Variants in KMT2C observed in about 807,000 individuals in gnomAD.
The protein encoded by KMT2C is lysine methyltransferase 2C.
KMT2C carries 88 observed loss-of-function variants against 507.9 expected under a neutral mutation model. The observed-to-expected ratio is 0.17, with a 90% CI of 0.15 to 0.21. The LOEUF is 0.21. KMT2C is among the 10% of genes least tolerant of loss of function. The pLI is 1.00. For missense variants in KMT2C, 4,954 were observed against 5,957.8 expected (o/e 0.83, Z 5.55); for synonymous variants, 2,049 against 2,080.8 (o/e 0.98, Z 0.42).
Position 152,181,191 on chromosome 7 carries a change from T to C in KMT2C, c.6669A>G (p.Ala2223=). ...CCTCTGAAATCCTTGGCCTTGGTGT[T>C]GCTGGTGGCTGAGAGTAAGGGACAG... ...GISVPYSQPP[A]TPRPRISEGF... The change falls in exon 36 of 59, where the codon GCA becomes GCG. Residue 2223 remains alanine, a synonymous_variant. Coordinates refer to ENST00000262189, the MANE Select transcript of KMT2C (RefSeq NM_170606.3). 1 of 1,614,166 alleles carries C rather than the reference T, an allele frequency of 6.2e-7. No individual in the cohort carries two copies. Among genetic ancestry groups the C allele is most frequent in the Non-Finnish European group, 8.5e-7 (1 of 1,180,044 alleles).
In KMT2C at chr7:152,177,780, T is replaced by A. The variant is rs1356688610; in HGVS notation, c.7673A>T (p.Tyr2558Phe). Residue 2558 changes from tyrosine to phenylalanine, a missense_variant, in exon 38 of 59, where the codon TAT (tyrosine) becomes TTT (phenylalanine). This residue lies in a region of KMT2C where 1,689 missense variants were observed against 1,654.3 expected (regional missense o/e 1.02). Transcript: ENST00000262189. Reference sequence around the variant, plus strand: ...AGGAGCCCTATGTCTCAGTTCAATATATGCTTGGCCCAGTATGTTGTGCTG... The same window carrying A: ...AGGAGCCCTATGTCTCAGTTCAATAAATGCTTGGCCCAGTATGTTGTGCTG... ...VQQHNILGQAYIELRHRAPDG... is the reference protein window; with the variant it reads ...VQQHNILGQAFIELRHRAPDG... 2 of 1,614,034 alleles carry A rather than the reference T, an allele frequency of 1.2e-6. No individual in the cohort carries two copies. The highest frequency in any genetic ancestry group is 1.7e-6 in the Non-Finnish European group (2 of 1,179,990).
intron 9 of KMT2C, among the ~76,000 whole-genome samples, chr7:152,255,128 T>TATATATATATATATATATATATAC (rs2095632887): frequency 7.9e-6 from 1 of 127,374 alleles, no homozygotes; most frequent in African/African-American, 3.0e-5. Context: ...TATATATATA[T>TATATATATATATATATATATATAC]ATATATATAT....
intron 55 of KMT2C, among the ~76,000 whole-genome samples, chr7:152,143,957 G>A (rs968195084): frequency 6.6e-6 from 1 of 152,208 alleles, no homozygotes; most frequent in Non-Finnish European, 1.5e-5. Flanking sequence ...GCTCAAGATA[G>A]GGCTGGTAAA....
intron 7 of KMT2C, among the ~76,000 whole-genome samples, chr7:152,267,270 C>T (rs1213228627): frequency 6.6e-6 from 1 of 152,204 alleles, no homozygotes; most frequent in Non-Finnish European, 1.5e-5. Context: ...AACCCCAAAC[C>T]TTTATTCTTC....
At chr7:152,398,412 T>A (rs1330196953) in intron 1 of KMT2C, among the ~76,000 whole-genome samples, 2 of 152,128 alleles carry the variant, frequency 1.3e-5, no homozygotes, top group Non-Finnish European at 2.9e-5. Flanking sequence ...AATTAAATGA[T>A]CCCATTATCA....
intron 15 of KMT2C, among the ~76,000 whole-genome samples, chr7:152,237,329 G>C (rs2095295818): frequency 6.6e-6 from 1 of 151,724 alleles, no homozygotes; most frequent in Admixed American, 6.5e-5. Flanking sequence ...AAAAGGAACG[G>C]GAGGAATGGC....
At chr7:152,243,198 C>A (rs2095415606) in intron 14 of KMT2C, among the ~76,000 whole-genome samples, 1 of 152,110 alleles carries the variant, frequency 6.6e-6, no homozygotes, top group African/African-American at 2.4e-5. Flanking sequence ...TCAGCTTTAG[C>A]CTTCAATAAT....
At position 152,144,181 on chromosome 7, in the gene KMT2C, G is replaced by C. The variant is rs546634340; in HGVS notation, c.14343+532C>G. Among the ~76,000 whole-genome samples, 1 of 152,228 alleles carries C rather than the reference G, an allele frequency of 6.6e-6. No individual in the cohort carries two copies. The highest frequency in any genetic ancestry group is 2.1e-4 in the South Asian group (1 of 4,828). On this transcript the variant is annotated intron_variant, in intron 55 of 58. Transcript: ENST00000262189. The surrounding 1 kb of genome is among the most constrained non-coding windows in gnomAD (Gnocchi z 4.4). ...ATCCAAGGAGAAAAATGCTGAACAGGCATTTGGATATTTGGGTCTGCAGCT... is the reference window on the plus strand; with the variant it reads ...ATCCAAGGAGAAAAATGCTGAACAGCCATTTGGATATTTGGGTCTGCAGCT...
At chr7:152,424,089 A>C (rs1039105361) in intron 1 of KMT2C, among the ~76,000 whole-genome samples, 2 of 152,116 alleles carry the variant, frequency 1.3e-5, no homozygotes, top group African/African-American at 2.4e-5. Context: ...GAAAATAATG[A>C]TTTTTATCAC....
chr7:152,204,198 T>G (rs565186065), intron 25 of KMT2C, among the ~76,000 whole-genome samples: 1 of 151,970 alleles, frequency 6.6e-6, no homozygotes, highest in African/African-American at 2.4e-5. Flanking sequence ...CTTGGGACGC[T>G]GACGCACGAG....
chr7:152,209,249 G>A (rs535833033), intron 23 of KMT2C, among the ~76,000 whole-genome samples: 1 of 151,818 alleles, frequency 6.6e-6, no homozygotes, highest in Admixed American at 6.5e-5. Flanking sequence ...GAGGTCAGGA[G>A]ATCGAGACCA....
Position 152,194,081 on chromosome 7 carries a change from G to T in KMT2C, c.4588C>A (p.Pro1530Thr). 6.3e-7 allele frequency: 1 copy of T among 1,594,154 alleles called. No individual in the cohort carries two copies. Among genetic ancestry groups the T allele is most frequent in the South Asian group, 1.1e-5 (1 of 87,284 alleles). Residue 1530 changes from proline (P) to threonine (T), a missense_variant, in exon 31 of 59, where the codon CCT becomes ACT. By Grantham distance (38) the Pro-to-Thr change is conservative (BLOSUM62 -1). This residue lies in a region of KMT2C where 195 missense variants were observed against 183.7 expected (regional missense o/e 1.06). Transcript: ENST00000262189. ...AATGGAGTTGGCTGAGTGTTCGCAG[G>T]ACTAAGTACAGCTGTAAATAAGTCT... ...VEDLFTAVLSPANTQPTPLPQ... is the reference protein window; with the variant it reads ...VEDLFTAVLSTANTQPTPLPQ...
intron 56 of KMT2C, 113 bp downstream of exon 56, chr7:152,139,562 A>G (rs1425348763): frequency 1.7e-5 from 13 of 753,370 alleles, no homozygotes; most frequent in Non-Finnish European, 2.8e-5. Context: ...CTTTTGTTTA[A>G]AGCTGAATGC....
chr7:152,260,483 T>TA (rs2095750496), intron 9 of KMT2C, among the ~76,000 whole-genome samples: 1 of 152,048 alleles, frequency 6.6e-6, no homozygotes, highest in Admixed American at 6.6e-5. Context: ...AGTAAATATA[T>TA]TTTTTTAAAA....
chr7:152,283,876 T>C (rs555559996), intron 6 of KMT2C, among the ~76,000 whole-genome samples: 2 of 152,302 alleles, frequency 1.3e-5, no homozygotes, highest in African/African-American at 4.8e-5. Flanking sequence ...TGTTAACTGC[T>C]GAATTATGCA....
At chr7:152,289,861 A>C (rs1046012775) in intron 6 of KMT2C, among the ~76,000 whole-genome samples, 7 of 152,176 alleles carry the variant, frequency 4.6e-5, no homozygotes, top group African/African-American at 1.7e-4. Context: ...AGCCTAGCCA[A>C]CATAGTGAAA....
rs140897839 is a variant in KMT2C at position 152,374,808 on chromosome 7, G to A, written c.162-16133C>T. Among the ~76,000 whole-genome samples the A allele has an allele frequency of 4.1e-4, 62 of 150,692 alleles. No homozygotes were observed. The East Asian group carries it at 9.2e-3, about 22-fold the overall frequency. ...CAGCTACTTGGGGTGGCTTGAACCC[G>A]AGAGGCGGAGCTTGCAGTGAGCCGA... On this transcript the variant is annotated intron_variant, in intron 1 of 58. Coordinates refer to ENST00000262189, the MANE Select transcript of KMT2C (RefSeq NM_170606.3).
intron 2 of KMT2C, 99 bp from the exon 3 acceptor site, chr7:152,330,838 A>C (rs1430900277): frequency 4.4e-6 from 5 of 1,129,456 alleles, no homozygotes; most frequent in Non-Finnish European, 5.1e-6. Flanking sequence ...ATGTAAAAAG[A>C]AACAACAAAT....
At position 152,228,693 on chromosome 7, in the gene KMT2C, T is replaced by C. The variant is rs1407267236; in HGVS notation, c.2976+1230A>G. Reference sequence around the variant, plus strand: ...CATTACTATCTTGAAAGGGATCTTATTCAATTTCCTTAGGTCCAAAACATT... The same window carrying C: ...CATTACTATCTTGAAAGGGATCTTACTCAATTTCCTTAGGTCCAAAACATT... On this transcript the variant is annotated intron_variant, in intron 18 of 58. Coordinates refer to ENST00000262189, the MANE Select transcript of KMT2C (RefSeq NM_170606.3). Among the ~76,000 whole-genome samples, 11 of 152,204 alleles carry C rather than the reference T, an allele frequency of 7.2e-5. No individual in the cohort carries two copies. In the South Asian group the frequency reaches 1.0e-3, roughly 14 times the overall value.
Sources: allele counts gnomAD v4.1 joint callset (sites outside exome capture counted in the v4.1 genomes callset), GRCh38; gene constraint gnomAD v4.1.1; regional missense constraint gnomAD v4.1.1; non-coding constraint Gnocchi (gnomAD v3.1); transcripts MANE v1.5; gene names NCBI Gene and HGNC (gene_info 2026-07-23, HGNC 2026-07-21).